Variants in RAD51B observed in about 807,000 individuals in gnomAD.
The protein encoded by RAD51B is DNA repair protein RAD51 homolog 2.
In RAD51B, 38 loss-of-function variants were observed where a neutral mutation model predicts 42.2. The ratio of observed to expected loss-of-function variants is 0.90; its 90% CI spans 0.70 to 1.18. RAD51B has a LOEUF of 1.18. Among genes scored for constraint, RAD51B ranks in the 50% most tolerant of loss-of-function variants. The pLI, the probability that RAD51B is intolerant of heterozygous loss-of-function variation, is 0.00. For missense variants in RAD51B, 373 were observed against 400.7 expected (o/e 0.93, Z 0.59); for synonymous variants, 154 against 145.2 (o/e 1.06, Z -0.43).
intron 10 of RAD51B, among the ~76,000 whole-genome samples, chr14:68,525,743 G>C (rs1323599536): frequency 6.6e-6 from 1 of 152,152 alleles, no homozygotes; most frequent in East Asian, 1.9e-4. Flanking sequence ...AACACTTCCA[G>C]CCAGCACAGG....
At chr14:68,428,719 A>C (rs2084917183) in intron 9 of RAD51B, among the ~76,000 whole-genome samples, 1 of 2,876 alleles carries the variant, frequency 3.5e-4, no homozygotes, top group Non-Finnish European at 1.1e-3. Context: ...ATATATATAT[A>C]TATATATATA....
chr14:68,174,631 G>C (rs1016189518), intron 7 of RAD51B, among the ~76,000 whole-genome samples: 3 of 152,132 alleles, frequency 2.0e-5, no homozygotes, highest in African/African-American at 7.2e-5. Context: ...CATCCAATGG[G>C]GCCAAGATGA....
At chr14:68,413,522 G>C (rs2084471840) in intron 9 of RAD51B, among the ~76,000 whole-genome samples, 1 of 152,200 alleles carries the variant, frequency 6.6e-6, no homozygotes, top group Non-Finnish European at 1.5e-5. Context: ...TGTTAAAATG[G>C]CCAACCCAGG....
intron 7 of RAD51B, among the ~76,000 whole-genome samples, chr14:67,899,192 G>T (rs890830560): frequency 6.6e-6 from 1 of 151,254 alleles, no homozygotes. Context: ...ATAGGCACCC[G>T]CCACCACGCC....
At chr14:68,134,379 G>A (rs1190035512) in intron 7 of RAD51B, among the ~76,000 whole-genome samples, 1 of 151,792 alleles carries the variant, frequency 6.6e-6, no homozygotes, top group Admixed American at 6.6e-5. Context: ...TTTCAGTTTG[G>A]GACTATTATG....
At chr14:68,417,347 G>C (rs1430105034) in intron 9 of RAD51B, among the ~76,000 whole-genome samples, 2 of 152,186 alleles carry the variant, frequency 1.3e-5, no homozygotes, top group African/African-American at 4.8e-5. Context: ...CTCTTTTTAA[G>C]CATAAATACC....
chr14:68,523,927 A>G (rs1246220819), intron 10 of RAD51B, among the ~76,000 whole-genome samples: 1 of 152,246 alleles, frequency 6.6e-6, no homozygotes, highest in Non-Finnish European at 1.5e-5. Context: ...GTCGTGCTCA[A>G]AATGGAGTGA....
chr14:68,118,645 A>G (rs1019673702), intron 7 of RAD51B, among the ~76,000 whole-genome samples: 1 of 152,252 alleles, frequency 6.6e-6, no homozygotes, highest in African/African-American at 2.4e-5. Context: ...ACATCTGTCC[A>G]TAGCCATTGT....
At chr14:68,246,749 T>G (rs181808319) in intron 7 of RAD51B, among the ~76,000 whole-genome samples, 1 of 152,342 alleles carries the variant, frequency 6.6e-6, no homozygotes, top group East Asian at 1.9e-4. Flanking sequence ...TAGAGTTCTT[T>G]TCTTGGCATT....
intron 7 of RAD51B, among the ~76,000 whole-genome samples, chr14:67,991,128 T>G (rs2075290029): frequency 6.6e-6 from 1 of 152,160 alleles, no homozygotes; most frequent in African/African-American, 2.4e-5. Context: ...TTTTGGTCTT[T>G]TTTTCCCACT....
At position 68,580,678 on chromosome 14, in the gene RAD51B, C is replaced by T. The variant is rs182670883; in HGVS notation, c.1037-13807C>T. On this transcript the variant is annotated intron_variant, in intron 10 of 10. Coordinates refer to the RAD51B transcript ENST00000487270. ...GGTGCACACGCCTGCCCCACACCTC[C>T]CACTGTCCCCTCCCTGGGTGCCCAT... Among the ~76,000 whole-genome samples, 166 of 152,320 alleles carry T rather than the reference C, an allele frequency of 1.1e-3. 1 individual carries two copies. Among genetic ancestry groups the T allele is most frequent in the African/African-American group, 3.7e-3 (153 of 41,566 alleles).
intron 7 of RAD51B, among the ~76,000 whole-genome samples, chr14:67,931,790 A>G (rs1472780756): frequency 2.0e-5 from 3 of 152,080 alleles, no homozygotes; most frequent in Non-Finnish European, 2.9e-5. Flanking sequence ...GGCGTGAATC[A>G]CAGTGCCCGG....
At chr14:68,579,376 C>T (rs17829162) in intron 10 of RAD51B, among the ~76,000 whole-genome samples, 3,286 of 152,262 alleles carry the variant, frequency 0.022, 33 homozygotes, top group Middle Eastern at 0.051. Flanking sequence ...CAGAATGTAA[C>T]GTAGGTGCAC....
At chr14:68,422,028 T>G (rs2084713441) in intron 9 of RAD51B, 1 of 1,535,586 alleles carries the variant, frequency 6.5e-7, no homozygotes, top group African/African-American at 1.4e-5. Context: ...AACCCTGGAA[T>G]AATTCTGTGA....
chr14:67,982,311 T>A (rs1031361445), intron 7 of RAD51B, among the ~76,000 whole-genome samples: 12 of 152,110 alleles, frequency 7.9e-5, no homozygotes, highest in Non-Finnish European at 1.5e-4. Context: ...AAGAAAAAAT[T>A]GTAAAGAGGT....
chr14:67,916,481 A>T (rs2044155407), intron 7 of RAD51B, among the ~76,000 whole-genome samples: 1 of 151,618 alleles, frequency 6.6e-6, no homozygotes, highest in Non-Finnish European at 1.5e-5. Flanking sequence ...GCCTCAAGTG[A>T]TCCTCCTTGC....
chr14:68,464,545 A>G (rs936214718), intron 9 of RAD51B, among the ~76,000 whole-genome samples: 4 of 152,248 alleles, frequency 2.6e-5, no homozygotes, highest in Non-Finnish European at 4.4e-5. Flanking sequence ...TATTCAAGTC[A>G]GTAAGACCAA....
intron 8 of RAD51B, among the ~76,000 whole-genome samples, chr14:68,360,895 G>A (rs1414713132): frequency 6.6e-6 from 1 of 152,214 alleles, no homozygotes; most frequent in Non-Finnish European, 1.5e-5. Flanking sequence ...ACAGACTGAG[G>A]GGGTAGACAG....
intron 8 of RAD51B, among the ~76,000 whole-genome samples, chr14:68,377,297 A>C (rs1277436303): frequency 6.6e-6 from 1 of 152,184 alleles, no homozygotes; most frequent in Non-Finnish European, 1.5e-5. Flanking sequence ...GTAAAGCACC[A>C]TGTGTATGTG....
Sources: allele counts gnomAD v4.1 joint callset (sites outside exome capture counted in the v4.1 genomes callset), GRCh38; gene constraint gnomAD v4.1.1; transcripts MANE v1.5; gene names NCBI Gene and HGNC (gene_info 2026-07-23, HGNC 2026-07-21).